GPM6A: variants seen among roughly 807,000 people sequenced by gnomAD.
The protein encoded by GPM6A is glycoprotein M6A.
GPM6A carries 7 observed loss-of-function variants against 32.1 expected under a neutral mutation model. The observed-to-expected ratio is 0.22, with a 90% CI of 0.12 to 0.41. GPM6A has a LOEUF of 0.41. Ranked by LOEUF, GPM6A falls within the 10% of genes least tolerant of loss-of-function variation. GPM6A has a pLI of 1.00. For synonymous variants in GPM6A, 130 were observed against 123.4 expected, an observed-to-expected ratio of 1.05 and a Z score of -0.35; for missense variants, 235 against 347.2, an observed-to-expected ratio of 0.68 and a Z score of 2.57.
intron 1 of GPM6A, among the ~76,000 whole-genome samples, chr4:175,770,131 A>G (rs892236622): frequency 2.6e-5 from 4 of 152,114 alleles, no homozygotes; most frequent in Non-Finnish European, 5.9e-5. Flanking sequence ...GGTTCAAGCA[A>G]TTCTCCTGCC....
intron 1 of GPM6A, among the ~76,000 whole-genome samples, chr4:175,717,250 C>T (rs1745887169): frequency 6.6e-6 from 1 of 152,146 alleles, no homozygotes; most frequent in African/African-American, 2.4e-5. Context: ...TGCTAGGCTC[C>T]TTCCTGCTTA....
intron 1 of GPM6A, chr4:175,961,289 C>T (rs1280956235): frequency 6.6e-6 from 1 of 152,172 alleles, no homozygotes; most frequent in Non-Finnish European, 1.5e-5. Context: ...CAAAATAAAA[C>T]TGATTTTCTT....
chr4:175,685,498 C>A (rs1298143160), intron 2 of GPM6A, among the ~76,000 whole-genome samples: 1 of 152,124 alleles, frequency 6.6e-6, no homozygotes, highest in Admixed American at 6.6e-5. Context: ...TGTAGCTATA[C>A]AAATGTTCCT....
intron 1 of GPM6A, among the ~76,000 whole-genome samples, chr4:175,851,357 C>T (rs562663833): frequency 3.3e-4 from 50 of 151,912 alleles, no homozygotes; most frequent in African/African-American, 1.1e-3. Context: ...TGGTGGTGGA[C>T]GCCAGTAATC....
chr4:175,971,667 G>C (rs1440055727), intron 1 of GPM6A, among the ~76,000 whole-genome samples: 1 of 152,220 alleles, frequency 6.6e-6, no homozygotes. Flanking sequence ...AGTGAATAGA[G>C]AGATGGTAGA....
intron 1 of GPM6A, among the ~76,000 whole-genome samples, chr4:175,742,308 T>C (rs900961211): frequency 6.6e-6 from 1 of 152,108 alleles, no homozygotes; most frequent in Non-Finnish European, 1.5e-5. Context: ...GAATTCTCTA[T>C]TACATCATGG....
intron 2 of GPM6A, among the ~76,000 whole-genome samples, chr4:175,678,037 C>G: frequency 6.6e-6 from 1 of 152,060 alleles, no homozygotes; most frequent in East Asian, 1.9e-4. Flanking sequence ...ATGGAAAAAA[C>G]AGCGTATACG....
At chr4:175,656,475 T>G (rs1742091048) in intron 3 of GPM6A, among the ~76,000 whole-genome samples, 1 of 152,102 alleles carries the variant, frequency 6.6e-6, no homozygotes, top group Non-Finnish European at 1.5e-5. Context: ...CTTTATCACT[T>G]GAAATTAAAT....
upstream of GPM6A, chr4:175,812,278 A>C: frequency 7.9e-7 from 1 of 1,272,740 alleles, no homozygotes; most frequent in Non-Finnish European, 1.0e-6. Flanking sequence ...CAAAAGCTCA[A>C]TTAGATGTTG....
chr4:175,722,462 T>C (rs1746188342), intron 1 of GPM6A, among the ~76,000 whole-genome samples: 1 of 152,144 alleles, frequency 6.6e-6, no homozygotes, highest in Non-Finnish European at 1.5e-5. Flanking sequence ...AATCTTAAGC[T>C]CCCGCAGTAA....
At chr4:175,985,851 G>T (rs749897044) in intron 1 of GPM6A, among the ~76,000 whole-genome samples, 1 of 151,626 alleles carries the variant, frequency 6.6e-6, no homozygotes, top group African/African-American at 2.4e-5. Context: ...TGTCACTAAG[G>T]CTGGAGTGCA....
At chr4:175,855,649 G>A (rs552954622) in intron 1 of GPM6A, among the ~76,000 whole-genome samples, 1 of 152,312 alleles carries the variant, frequency 6.6e-6, no homozygotes, top group African/African-American at 2.4e-5. Flanking sequence ...GAACAATTAA[G>A]TAAATAGATG....
At chr4:175,915,318 G>A (rs570151304) in intron 1 of GPM6A, among the ~76,000 whole-genome samples, 15 of 146,520 alleles carry the variant, frequency 1.0e-4, no homozygotes, top group African/African-American at 2.0e-4. Flanking sequence ...ATGGAGTCTC[G>A]CTCTGTCACC....
intron 1 of GPM6A, among the ~76,000 whole-genome samples, chr4:175,888,236 A>C (rs1396494845): frequency 6.6e-6 from 1 of 152,060 alleles, no homozygotes; most frequent in Non-Finnish European, 1.5e-5. Context: ...TTTGTGCAAT[A>C]AAATAAATTG....
intron 1 of GPM6A, among the ~76,000 whole-genome samples, chr4:175,897,505 C>A (rs1737833195): frequency 1.3e-5 from 2 of 152,056 alleles, no homozygotes; most frequent in African/African-American, 4.8e-5. Context: ...AGTCCAGAGA[C>A]CAGCATATTT....
intron 1 of GPM6A, among the ~76,000 whole-genome samples, chr4:175,974,261 A>G (rs1428171521): frequency 6.6e-6 from 1 of 152,126 alleles, no homozygotes; most frequent in Non-Finnish European, 1.5e-5. Context: ...AAAAATAAAA[A>G]TAAACAGCCT....
At chr4:175,962,413 G>A (rs1740195911) in intron 1 of GPM6A, 1 of 721,274 alleles carries the variant, frequency 1.4e-6, no homozygotes, top group South Asian at 1.4e-5. Context: ...ACTCCCAAGT[G>A]GGAGCAAAAG....
intron 1 of GPM6A, among the ~76,000 whole-genome samples, chr4:175,936,681 CT>C (rs1468464573): frequency 5.3e-5 from 8 of 151,944 alleles, no homozygotes; most frequent in Non-Finnish European, 2.9e-5. Flanking sequence ...AGAAGCAATA[CT>C]TTTTAAAAAT....
Position 175,641,073 on chromosome 4 carries a change from C to T in GPM6A, c.542-244G>A, listed in dbSNP as rs185037848. On this transcript the variant is annotated intron_variant, in intron 4 of 6. Coordinates refer to ENST00000393658, the MANE Select transcript of GPM6A (RefSeq NM_201591.3). ...TTTCAATCTGAATTCAATTGAATCT[C>T]ACCACCAGAATTTCCAGACTCAATT... The T allele has an allele frequency of 2.0e-3, 950 of 469,432 alleles. 9 individuals are homozygous for T. In the Middle Eastern group the frequency reaches 0.024, roughly 12 times the overall value. 29.1% of individuals were successfully genotyped at this position (469,432 alleles called of 1,614,324 possible). A position where few individuals can be genotyped will look rare whatever the true frequency, so the allele number is the denominator to read the frequency against.
Sources: gnomAD v4.1 joint callset for allele counts (sites outside exome capture counted in the v4.1 genomes callset) on GRCh38, gnomAD v4.1.1 for gene constraint, MANE v1.5 for transcripts, NCBI Gene and HGNC (gene_info 2026-07-23, HGNC 2026-07-21) for gene names.